Variants in DNAH17 observed in about 807,000 individuals in gnomAD.
DNAH17 encodes the protein axonemal beta dynein heavy chain 17.
DNAH17 carries 376 observed loss-of-function variants against 485.6 expected under a neutral mutation model. The ratio of observed to expected loss-of-function variants is 0.77; its 90% confidence interval spans 0.71 to 0.84. DNAH17 has a LOEUF of 0.84. DNAH17 is among the 40% of genes least tolerant of loss of function. The pLI, the probability that DNAH17 is intolerant of heterozygous loss-of-function variation, is 0.00. For synonymous variants in DNAH17, 3,031 were observed against 2,405.9 expected (o/e 1.26, Z -7.60); for missense variants, 6,370 against 5,839.3 (o/e 1.09, Z -2.96).
At chr17:78,476,063 C>A (rs1568113461) in intron 52 of DNAH17, among the ~76,000 whole-genome samples, 3 of 152,062 alleles carry the variant, frequency 2.0e-5, no homozygotes, top group Admixed American at 1.3e-4. Context: ...AATTCATAGT[C>A]CAAAGAAATG....
chr17:78,567,804 C>T (rs1014434906), intron 9 of DNAH17, among the ~76,000 whole-genome samples: 2 of 152,178 alleles, frequency 1.3e-5, no homozygotes, highest in Non-Finnish European at 2.9e-5. Context: ...GCTTTAGTCA[C>T]GTTCAGGCCC....
intron 63 of DNAH17, among the ~76,000 whole-genome samples, 199 bp downstream of exon 63, chr17:78,455,445 C>A: frequency 6.6e-6 from 1 of 151,852 alleles, no homozygotes; most frequent in East Asian, 1.9e-4. Flanking sequence ...CCTGCCTCAG[C>A]CTCCCCAGTA....
At chr17:78,530,321 G>A (rs762989563) in intron 21 of DNAH17, 22 bp downstream of exon 21, 36 of 1,589,564 alleles carry the variant, frequency 2.3e-5, no homozygotes, top group Admixed American at 3.4e-5. Flanking sequence ...TGGGCTCCCC[G>A]AGTACATGGC....
At chr17:78,531,555 G>A (rs1361629010) in intron 20 of DNAH17, among the ~76,000 whole-genome samples, 2 of 151,806 alleles carry the variant, frequency 1.3e-5, no homozygotes, top group African/African-American at 4.8e-5. Flanking sequence ...AGCCAGGATG[G>A]TCTCGATCTC....
intron 58 of DNAH17, 140 bp from the exon 59 acceptor site, chr17:78,460,397 T>A (rs1448858931): frequency 7.1e-6 from 5 of 701,428 alleles, no homozygotes; most frequent in Non-Finnish European, 1.2e-5. Context: ...TATATGTGCA[T>A]GAGTGTATGT....
chr17:78,510,610 C>T (rs1270754214), intron 26 of DNAH17, 104 bp from the exon 27 acceptor site: 23 of 1,506,376 alleles, frequency 1.5e-5, no homozygotes, highest in Admixed American at 5.2e-5. Context: ...GGCACGATCC[C>T]GGGCTGCTGG....
chr17:78,530,305 A>C (rs773938002), intron 21 of DNAH17, 38 bp downstream of exon 21: 1 of 1,567,346 alleles, frequency 6.4e-7, no homozygotes, highest in South Asian at 1.2e-5. Context: ...TGCTCTGCAC[A>C]TTCCTTGGGC....
At chr17:78,461,976 G>A (rs928863392) in intron 57 of DNAH17, among the ~76,000 whole-genome samples, 3 of 152,046 alleles carry the variant, frequency 2.0e-5, no homozygotes, top group African/African-American at 7.3e-5. Flanking sequence ...ATCAACTGCA[G>A]CCTGGGCAAC....
rs374692194 is a variant in DNAH17, at chr17:78,574,880, C to T, written c.178G>A (p.Gly60Ser). 185 of 1,613,884 alleles carry T rather than the reference C, an allele frequency of 1.1e-4. 1 individual carries two copies. Among genetic ancestry groups the T allele is most frequent in the African/African-American group, 5.3e-4 (40 of 74,904 alleles). ...QVLVLTLNAAGMIIPCLGFPQ... is the reference protein window; with the variant it reads ...QVLVLTLNAASMIIPCLGFPQ... ...AAGCCCAGGCAGGGTATGATCATGC[C>T]GGCTGCATTGAGCGTCAGCACCAGC... Residue 60 changes from glycine to serine, a missense_variant, in exon 2 of 81, where the codon GGC becomes AGC. Gly to Ser is a moderately conservative substitution (Grantham distance 56, BLOSUM62 0). Transcript: ENST00000389840.
chr17:78,426,641 G>C (rs750115220), intron 78 of DNAH17, 41 bp from the exon 79 acceptor site: 56 of 1,558,720 alleles, frequency 3.6e-5, no homozygotes, highest in Non-Finnish European at 4.7e-5. Context: ...CCTGAGCTGG[G>C]GCCTGGGAGA....
At chr17:78,453,510 G>A (rs529800140) in intron 64 of DNAH17, 45 bp from the exon 65 acceptor site, 3 of 1,610,946 alleles carry the variant, frequency 1.9e-6, no homozygotes, top group Admixed American at 3.3e-5. Flanking sequence ...AGGGCCTCGT[G>A]ATGGAACGGT....
intron 48 of DNAH17, among the ~76,000 whole-genome samples, chr17:78,483,005 C>T (rs202159553): frequency 2.6e-5 from 4 of 152,156 alleles, no homozygotes; most frequent in Admixed American, 2.6e-4. Flanking sequence ...GCAGGGAAAC[C>T]GAGGCTGAGC....
At chr17:78,510,789 G>T (rs560425192) in intron 26 of DNAH17, 1 of 355,478 alleles carries the variant, frequency 2.8e-6, no homozygotes, top group Non-Finnish European at 5.3e-6. Flanking sequence ...GAACCTTCAC[G>T]TGTCACCTTA....
At chr17:78,570,401 G>C in intron 6 of DNAH17, 29 bp from the exon 7 acceptor site, 1 of 1,601,946 alleles carries the variant, frequency 6.2e-7, no homozygotes, top group Non-Finnish European at 8.5e-7. Context: ...AGGCACACTG[G>C]AGGGGACTGG....
rs1003769040 is a variant in DNAH17 at position 78,565,882 on chromosome 17, G to A, written c.1569+732C>T. 7.2e-5 allele frequency among the ~76,000 whole-genome samples: 11 copies of A among 152,180 alleles called. No individual in the cohort carries two copies. The South Asian group carries it at 1.0e-3, about 14-fold the overall frequency. On this transcript the variant is annotated intron_variant, in intron 11 of 80. Transcript: ENST00000389840. Reference sequence around the variant, plus strand: ...GGAGAATCGTTTGAACCCGGGAGGCGGAGGTTGCAGTGTGCTGGGATTGTG... The same window carrying A: ...GGAGAATCGTTTGAACCCGGGAGGCAGAGGTTGCAGTGTGCTGGGATTGTG...
Position 78,427,102 on chromosome 17 carries a change from C to A in DNAH17, c.12595G>T (p.Ala4199Ser). Residue 4199 changes from alanine (A) to serine (S), a missense_variant, in exon 78 of 81, where the codon GCC (alanine) becomes TCC (serine). Coordinates refer to ENST00000389840, the MANE Select transcript of DNAH17 (RefSeq NM_173628.4). Reference protein sequence around the residue: ...TGVSREEKVKAVLDDILEKIP... With the variant: ...TGVSREEKVKSVLDDILEKIP... ...TTCTCCAGGATGTCGTCCAGCACGG[C>A]CTTCACCTGGAAGCCAGTCCCCGGA... 1 of 1,571,508 alleles carries A rather than the reference C, an allele frequency of 6.4e-7. No individual in the cohort carries two copies.
Position 78,514,761 on chromosome 17 carries a change from T to C in DNAH17, c.4113+13A>G. Reference sequence around the variant, plus strand: ...CAGGGGCGGTCCCCTCCGCCCACCATGGTGCATGGTACCTGGGTGGCCTGC... The same window carrying C: ...CAGGGGCGGTCCCCTCCGCCCACCACGGTGCATGGTACCTGGGTGGCCTGC... On this transcript the variant is annotated intron_variant, in intron 26 of 80. Coordinates refer to ENST00000389840, the MANE Select transcript of DNAH17 (RefSeq NM_173628.4). 2 of 1,612,356 alleles carry C rather than the reference T, an allele frequency of 1.2e-6. No homozygotes were observed. The highest frequency in any genetic ancestry group is 1.1e-5 in the South Asian group (1 of 91,042).
At chr17:78,572,988 G>C in intron 2 of DNAH17, 94 bp from the exon 3 acceptor site, 1 of 1,164,950 alleles carries the variant, frequency 8.6e-7, no homozygotes, top group East Asian at 2.6e-5. Flanking sequence ...CAAAGACCCG[G>C]TGTCTGGAGC....
At chr17:78,557,636 C>CAA (rs34251460) in intron 14 of DNAH17, among the ~76,000 whole-genome samples, 406 of 29,012 alleles carry the variant, frequency 0.014, 51 homozygotes, top group Admixed American at 0.062. Context: ...GAGACTGTCT[C>CAA]AAAAAAAAAA....
Sources: allele counts gnomAD v4.1 joint callset (sites outside exome capture counted in the v4.1 genomes callset), GRCh38; gene constraint gnomAD v4.1.1; transcripts MANE v1.5; gene names NCBI Gene and HGNC (gene_info 2026-07-23, HGNC 2026-07-21).